ANKHD1: variants seen among roughly 807,000 people sequenced by gnomAD.
ANKHD1 encodes ankyrin repeat and KH domain containing 1.
A neutral mutation model predicts 230.5 loss-of-function variants in ANKHD1; 31 were observed. The observed-to-expected ratio is 0.13, with a 90% CI of 0.10 to 0.18. The LOEUF (loss-of-function observed/expected upper bound fraction) is 0.18, where lower values mean the gene tolerates loss of function less well. ANKHD1 is among the 10% of genes least tolerant of loss of function. The pLI is 1.00. For missense variants in ANKHD1, 2,256 were observed against 3,071.3 expected (o/e 0.73, Z 6.27); for synonymous variants, 1,074 against 1,117.6 (o/e 0.96, Z 0.78).
rs186728014 is a variant in ANKHD1 at position 140,525,293 on chromosome 5, C to T, written c.4493-703C>T. Among the ~76,000 whole-genome samples the T allele has an allele frequency of 1.8e-3, 276 of 151,818 alleles. 2 individuals are homozygous for T. Among genetic ancestry groups the T allele is most frequent in the African/African-American group, 6.2e-3 (258 of 41,392 alleles). ...TGTGTGTTTTTTTGAGATGAGGTCT[C>T]CCTCTGCCACCCAGGCTGGAGTGCA... On this transcript the variant is annotated intron_variant, in intron 25 of 33. Transcript: ENST00000360839.
At chr5:140,419,001 A>C (rs1197066120) in intron 1 of ANKHD1, among the ~76,000 whole-genome samples, 1 of 152,142 alleles carries the variant, frequency 6.6e-6, no homozygotes, top group Non-Finnish European at 1.5e-5. Context: ...AAAGTGCTGG[A>C]GTTATAGGCA....
intron 22 of ANKHD1, among the ~76,000 whole-genome samples, chr5:140,512,415 T>A (rs1304787394): frequency 6.6e-6 from 1 of 152,080 alleles, no homozygotes; most frequent in Non-Finnish European, 1.5e-5. Context: ...TAAAAAAAAA[T>A]TACTTATTTT....
At chr5:140,433,176 C>T (rs995842870) in intron 1 of ANKHD1, among the ~76,000 whole-genome samples, 4 of 152,020 alleles carry the variant, frequency 2.6e-5, no homozygotes, top group African/African-American at 9.7e-5. Context: ...TCAAGCGATT[C>T]TTGTGCCTTA....
chr5:140,422,298 A>G (rs1329003864), intron 1 of ANKHD1, among the ~76,000 whole-genome samples: 1 of 151,582 alleles, frequency 6.6e-6, no homozygotes, highest in Non-Finnish European at 1.5e-5. Context: ...AATTTTTTGT[A>G]TTTCTTAGGA....
intron 9 of ANKHD1, among the ~76,000 whole-genome samples, chr5:140,464,230 CAA>C (rs566732231): frequency 1.2e-4 from 13 of 108,296 alleles, no homozygotes; most frequent in Non-Finnish European, 1.2e-4. Flanking sequence ...GACTATCTCT[CAA>C]AAAAAAAAAA....
At chr5:140,466,158 G>A (rs7449225) in intron 10 of ANKHD1, among the ~76,000 whole-genome samples, 29,628 of 152,080 alleles carry the variant, frequency 0.19, 3,361 homozygotes, top group East Asian at 0.28. Context: ...TTGGGATGCC[G>A]AGGTGGGTGG....
chr5:140,505,228 A>G lies in ANKHD1; in HGVS notation c.3257A>G (p.Lys1086Arg). ...ARDAKIEHRD[K>R]KGFTPLILAA... is the part of the protein sequence containing the mutation. ...GATGCCAAAATTGAACACAGAGACA[A>G]AAAAGGTAAATATCAGTCAGAAATA... The change falls in exon 17 of 34, where the codon AAA becomes AGA. Residue 1086 changes from lysine to arginine, a missense_variant. This residue lies in a region of ANKHD1 where 63 missense variants were observed against 125.5 expected (regional missense o/e 0.50). Coordinates refer to ENST00000360839, the MANE Select transcript of ANKHD1 (RefSeq NM_017747.3). 1 of 1,614,016 alleles carries G rather than the reference A, an allele frequency of 6.2e-7. No homozygotes were observed. The highest frequency in any genetic ancestry group is 1.7e-5 in the Admixed American group (1 of 59,986).
intron 10 of ANKHD1, among the ~76,000 whole-genome samples, chr5:140,471,588 G>C (rs1486806074): frequency 6.6e-6 from 1 of 152,180 alleles, no homozygotes; most frequent in African/African-American, 2.4e-5. Flanking sequence ...GAATGACTTA[G>C]AGTGAAGCCT....
chr5:140,515,139 G>A (rs1469433805), intron 24 of ANKHD1, among the ~76,000 whole-genome samples: 1 of 151,848 alleles, frequency 6.6e-6, no homozygotes, highest in Non-Finnish European at 1.5e-5. Flanking sequence ...TTAGCTGGGT[G>A]TGGTAGTGCA....
Position 140,534,339 on chromosome 5 carries a change from C to T in ANKHD1, c.6851-1023C>T, listed in dbSNP as rs543944625. Among the ~76,000 whole-genome samples the T allele has an allele frequency of 4.6e-4, 69 of 151,198 alleles. 1 individual carries two copies. Among genetic ancestry groups the T allele is most frequent in the Middle Eastern group, 6.9e-3 (2 of 290 alleles). On this transcript the variant is annotated intron_variant, in intron 29 of 33. Transcript: ENST00000360839. ...CCCGGGAGGCGGAGCTTGCAGTGAG[C>T]TGAGATCGTGCCACTGCACTCCAGC...
intron 3 of ANKHD1, 137 bp from the exon 4 acceptor site, chr5:140,439,982 A>G: frequency 1.8e-6 from 2 of 1,103,524 alleles, no homozygotes; most frequent in Non-Finnish European, 2.3e-6. Context: ...AATGCTCAGC[A>G]AGTAATATGT....
intron 1 of ANKHD1, 126 bp downstream of exon 1, chr5:140,402,399 G>A: frequency 1.5e-6 from 2 of 1,299,522 alleles, no homozygotes; most frequent in Non-Finnish European, 2.0e-6. Flanking sequence ...TCGGCTCCAT[G>A]GCGGCGGTGG....
intron 22 of ANKHD1, among the ~76,000 whole-genome samples, chr5:140,511,142 G>A (rs921901427): frequency 6.6e-6 from 1 of 151,888 alleles, no homozygotes; most frequent in African/African-American, 2.4e-5. Flanking sequence ...GTTCATGCCC[G>A]GCCTCTCATA....
intron 1 of ANKHD1, among the ~76,000 whole-genome samples, chr5:140,424,817 T>C (rs1772272845): frequency 6.6e-6 from 1 of 152,248 alleles, no homozygotes; most frequent in African/African-American, 2.4e-5. Context: ...CTCTGTTGTT[T>C]AGAAGATTCA....
rs1753698242 is a variant in ANKHD1, at chr5:140,528,609, G to T, written c.5663G>T (p.Trp1888Leu). 2.5e-6 allele frequency: 4 copies of T among 1,614,054 alleles called. No individual in the cohort carries two copies. The highest frequency in any genetic ancestry group is 1.6e-4 in the Middle Eastern group (1 of 6,062). ...ACCTTCTCACCTTCTCCTAACACATGGGGACCATTCCCAGTGAGACCTGTG... is the reference window on the plus strand; with the variant it reads ...ACCTTCTCACCTTCTCCTAACACATTGGGACCATTCCCAGTGAGACCTGTG... The part of the protein sequence containing the change: ...GGTFSPSPNT[W>L]GPFPVRPVNP... Residue 1888 changes from tryptophan to leucine, a missense_variant, in exon 29 of 34, where the codon TGG becomes TTG. Coordinates refer to ENST00000360839, the MANE Select transcript of ANKHD1 (RefSeq NM_017747.3).
chr5:140,504,994 T>C, intron 16 of ANKHD1, 28 bp downstream of exon 16: 5 of 1,611,940 alleles, frequency 3.1e-6, no homozygotes, highest in Middle Eastern at 1.7e-4. Flanking sequence ...TTTAAACTTA[T>C]TTTGCACATT....
chr5:140,458,965 TATATATATATATA>T, intron 8 of ANKHD1, 103 bp downstream of exon 8: 1 of 26,096 alleles, frequency 3.8e-5, no homozygotes, highest in Admixed American at 5.1e-4. Flanking sequence ...TATATATATA[TATATATATATATA>T]TGCATATATA....
Position 140,402,248 on chromosome 5 carries a change from G to A in ANKHD1, c.281G>A (p.Gly94Asp). The change falls in exon 1 of 34, where the codon GGC becomes GAC. Residue 94 changes from glycine to aspartate, a missense_variant. Gly to Asp is a moderately conservative substitution (Grantham distance 94). Around this residue, in one of 13 missense-constraint regions of ANKHD1, gnomAD observed 193 missense variants for 185.8 expected, o/e 1.04. Coordinates refer to ENST00000360839, the MANE Select transcript of ANKHD1 (RefSeq NM_017747.3). ...LRTGGGGGASGSDEDEVSEVE... is the reference protein window; with the variant it reads ...LRTGGGGGASDSDEDEVSEVE... ...ACCGGGGGTGGAGGTGGTGCCTCTG[G>A]CAGTGACGAGGACGAAGTGTCCGAG... 6.6e-7 allele frequency: 1 copy of A among 1,504,652 alleles called. No homozygotes were observed. Among genetic ancestry groups the A allele is most frequent in the Non-Finnish European group, 8.8e-7 (1 of 1,132,852 alleles). 93.2% of individuals were successfully genotyped at this position (1,504,652 alleles called of 1,614,324 possible).
intron 1 of ANKHD1, among the ~76,000 whole-genome samples, chr5:140,413,304 G>T (rs906046861): frequency 6.6e-6 from 1 of 151,926 alleles, no homozygotes; most frequent in African/African-American, 2.4e-5. Flanking sequence ...TAAAATTGTG[G>T]TAGAATATGT....
Sources: gnomAD v4.1 joint callset for allele counts (sites outside exome capture counted in the v4.1 genomes callset) on GRCh38, gnomAD v4.1.1 for gene constraint, gnomAD v4.1.1 regional missense constraint, MANE v1.5 for transcripts, NCBI Gene and HGNC (gene_info 2026-07-23, HGNC 2026-07-21) for gene names.